The following CLDN2 variants were observed in gnomAD, a reference collection of about 807,000 sequenced individuals.
The protein encoded by CLDN2 is claudin-2.
Under a neutral mutation model 8.2 loss-of-function variants are expected in CLDN2, and 1 was observed. The ratio of observed to expected loss-of-function variants is 0.12; its 90% confidence interval spans 0.04 to 0.58. CLDN2 has a LOEUF of 0.58. Ranked by LOEUF, CLDN2 falls within the 20% of genes least tolerant of loss-of-function variation. The pLI, the probability that CLDN2 is intolerant of heterozygous loss-of-function variation, is 0.90. For missense variants in CLDN2, 108 were observed against 172.9 expected, an observed-to-expected ratio of 0.62 and a Z score of 2.11; for synonymous variants, 70 against 70.2, an observed-to-expected ratio of 1.00 and a Z score of 0.01.
In CLDN2 at chrX:106,920,477, G is replaced by A. The variant is rs1456214960; in HGVS notation, c.-253G>A. 1 of 110,430 alleles carries A rather than the reference G, an allele frequency of 9.1e-6. No homozygotes were observed. Among genetic ancestry groups the A allele is most frequent in the Admixed American group, 9.6e-5 (1 of 10,415 alleles). 9.1% of individuals were successfully genotyped at this position (110,430 alleles called of 1,213,427 possible). On this transcript the variant is annotated 5_prime_UTR_variant, in exon 1 of 2. Transcript: ENST00000336803. ...CTCAGCCCGTGGCCCCTTGTACTTC[G>A]CTCCCCTCCCTCAGGATCCCTTTCT...
In CLDN2 at chrX:106,929,862, G is replaced by C. The variant is rs1933523685; in HGVS notation, c.*941G>C. 1 of 123,454 alleles carries C rather than the reference G, an allele frequency of 8.1e-6. No individual in the cohort carries two copies. The highest frequency in any genetic ancestry group is 3.2e-5 in the African/African-American group (1 of 30,784). 10.2% of individuals were successfully genotyped at this position (123,454 alleles called of 1,213,427 possible). On this transcript the variant is annotated 3_prime_UTR_variant, in exon 2 of 2. Coordinates refer to ENST00000336803, the MANE Select transcript of CLDN2 (RefSeq NM_020384.4). ...GGGCTATAGACAATGGTTTCCTTAG[G>C]AACAGTAAACCAGTTTTTCTAGGGA...
chrX:106,902,165 C>T, intron 1 of CLDN2: 3 of 1,194,482 alleles, frequency 2.5e-6, no homozygotes, highest in Non-Finnish European at 3.4e-6. Context: ...CCTCATCTGC[C>T]TTGGGGAGTC....
rs186354464 is a variant in CLDN2, at chrX:106,913,082, C to T, written c.-179+12578C>T. Among the ~76,000 whole-genome samples, 469 of 104,816 alleles carry T rather than the reference C, an allele frequency of 4.5e-3. 2 individuals are homozygous for T. Among genetic ancestry groups the T allele is most frequent in the African/African-American group, 0.019 (457 of 24,664 alleles). The allele number at this position is 104,816 out of a possible 115,157, so 91.0% of individuals were successfully genotyped here. ...ACAAAATCATGCATGGATAACAGAT[C>T]CATTCAAAGTGCAATTGATTTTTTT... On this transcript the variant is annotated intron_variant, in intron 1 of 1. Coordinates refer to the CLDN2 transcript ENST00000541806.
intron 1 of CLDN2, among the ~76,000 whole-genome samples, chrX:106,910,127 T>C (rs1259244136): frequency 2.7e-5 from 3 of 110,526 alleles, no homozygotes; most frequent in Non-Finnish European, 3.8e-5. Context: ...CTTGGGAAGA[T>C]GAAGCGATGC....
chrX:106,901,662 C>T, intron 1 of CLDN2: 1 of 625,686 alleles, frequency 1.6e-6, no homozygotes, highest in Non-Finnish European at 2.5e-6. Context: ...TCTCTGGGAC[C>T]CAGCAACCCC....
Position 106,930,585 on chromosome X carries a change from C to G in CLDN2, c.*1664C>G, listed in dbSNP as rs1198463696. On this transcript the variant is annotated 3_prime_UTR_variant, in exon 2 of 2. Transcript: ENST00000336803. ...CCAAGTCCTCCTCAGGCTTGGAGAA[C>G]TTCCTCAGCGTCACCTCCTTCATTG... 2 of 122,914 alleles carry G rather than the reference C, an allele frequency of 1.6e-5. No homozygotes were observed. The highest frequency in any genetic ancestry group is 6.5e-5 in the African/African-American group (2 of 30,687). 10.1% of individuals were successfully genotyped at this position (122,914 alleles called of 1,213,427 possible). A position where few individuals can be genotyped will look rare whatever the true frequency, so the allele number is the denominator to read the frequency against.
chrX:106,901,042 A>C (rs1933085087), intron 1 of CLDN2: 5 of 1,018,710 alleles, frequency 4.9e-6, no homozygotes. Context: ...AGGAAGAAAG[A>C]AAGTTTTGTA....
Position 106,928,983 on chromosome X carries a change from A to C in CLDN2, c.*62A>C. ...GTGAAAAACAGTGGACAGCACCCCGAGGGCCACAGGTGAGGGACACTACCA... is the reference window on the plus strand; with the variant it reads ...GTGAAAAACAGTGGACAGCACCCCGCGGGCCACAGGTGAGGGACACTACCA... On this transcript the variant is annotated 3_prime_UTR_variant, in exon 2 of 2. Coordinates refer to ENST00000336803, the MANE Select transcript of CLDN2 (RefSeq NM_020384.4). The C allele has an allele frequency of 5.2e-6, 5 of 958,562 alleles. No homozygotes were observed. The highest frequency in any genetic ancestry group is 7.3e-6 in the Non-Finnish European group (5 of 680,935). 79.0% of individuals were successfully genotyped at this position (958,562 alleles called of 1,213,427 possible). A position where few individuals can be genotyped will look rare whatever the true frequency, so the allele number is the denominator to read the frequency against.
At chrX:106,914,548 C>A (rs1194430927), upstream of CLDN2, among the ~76,000 whole-genome samples, 1 of 111,679 alleles carries the variant, frequency 9.0e-6, no homozygotes, top group East Asian at 2.8e-4. Flanking sequence ...ATATGAGAAT[C>A]CAGCTGCCTT....
intron 1 of CLDN2, among the ~76,000 whole-genome samples, chrX:106,907,749 A>AT (rs1478345250): frequency 9.6e-6 from 1 of 104,707 alleles, no homozygotes; most frequent in East Asian, 3.0e-4. Flanking sequence ...AATAATAATA[A>AT]AGGACTCTCC....
upstream of CLDN2, among the ~76,000 whole-genome samples, chrX:106,918,655 G>A (rs781154153): frequency 3.7e-4 from 42 of 112,286 alleles, no homozygotes; most frequent in Non-Finnish European, 6.2e-4. Flanking sequence ...CTAGCACAGT[G>A]AGACCATGGA....
chrX:106,925,446 T>C (rs1933452117), intron 1 of CLDN2, among the ~76,000 whole-genome samples: 1 of 112,335 alleles, frequency 8.9e-6, no homozygotes, highest in Non-Finnish European at 1.9e-5. Flanking sequence ...AAAGACCACA[T>C]GGCATGATTG....
At chrX:106,904,737 T>C (rs771771335) in intron 1 of CLDN2, among the ~76,000 whole-genome samples, 36 of 112,294 alleles carry the variant, frequency 3.2e-4, no homozygotes, top group African/African-American at 9.4e-4. Flanking sequence ...AGATAAATCA[T>C]TGGGCAGTTA....
intron 1 of CLDN2, among the ~76,000 whole-genome samples, chrX:106,921,205 G>C (rs1331944841): frequency 8.9e-6 from 1 of 112,534 alleles, no homozygotes; most frequent in South Asian, 3.7e-4. Context: ...GTGTTCTAAA[G>C]TGAGAATGCT....
chrX:106,919,923 C>T (rs993921651), upstream of CLDN2, among the ~76,000 whole-genome samples: 1 of 112,609 alleles, frequency 8.9e-6, no homozygotes, highest in East Asian at 2.8e-4. Context: ...TCTGAACCTA[C>T]AGTACCCATG....
chrX:106,927,893 G>A (rs1180548129), intron 1 of CLDN2, among the ~76,000 whole-genome samples, 158 bp from the exon 2 acceptor site: 1 of 110,024 alleles, frequency 9.1e-6, no homozygotes, highest in South Asian at 3.9e-4. Flanking sequence ...TGCCTACGCA[G>A]GAGGCGATGA....
At chrX:106,928,024 T>G in intron 1 of CLDN2, 27 bp from the exon 2 acceptor site, 1 of 366,408 alleles carries the variant, frequency 2.7e-6, no homozygotes, top group Non-Finnish European at 4.7e-6. Context: ...TGGTCAATAT[T>G]TAATCTGGTT....
In CLDN2 at chrX:106,928,058, A is replaced by G. The variant is rs1208549824; in HGVS notation, c.-171A>G. The G allele has an allele frequency of 5.0e-6, 2 of 401,638 alleles. No individual in the cohort carries two copies. Among genetic ancestry groups the G allele is most frequent in the African/African-American group, 5.0e-5 (2 of 39,989 alleles). The allele number at this position is 401,638 out of a possible 1,213,427, so 33.1% of individuals were successfully genotyped here. On this transcript the variant is annotated 5_prime_UTR_variant, in exon 2 of 2. Coordinates refer to ENST00000336803, the MANE Select transcript of CLDN2 (RefSeq NM_020384.4). The stretch of plus-strand genomic sequence containing the variant: ...TTTATGGATTTTTTTTAGGTCTTCT[A>G]GATGCCTTCTTGAGGCTGCTTGTGG...
intron 1 of CLDN2, among the ~76,000 whole-genome samples, chrX:106,907,414 G>A (rs770159900): frequency 8.9e-6 from 1 of 111,816 alleles, no homozygotes; most frequent in African/African-American, 3.2e-5. Context: ...AATTATAAAG[G>A]ACTAGGCTGG....
Sources: gnomAD v4.1 joint callset for allele counts (sites outside exome capture counted in the v4.1 genomes callset) on GRCh38, gnomAD v4.1.1 for gene constraint, MANE v1.5 for transcripts, NCBI Gene and HGNC (gene_info 2026-07-23, HGNC 2026-07-21) for gene names.